TEX9: variants seen among roughly 807,000 people sequenced by gnomAD.
TEX9 encodes testis expressed 9.
In TEX9, 74 loss-of-function variants were observed where a neutral mutation model predicts 59.6. That is an observed-to-expected ratio of 1.24 (90% CI 1.03 to 1.51). TEX9 has a LOEUF of 1.51. Ranked by LOEUF, TEX9 falls within the 40% of genes most tolerant of loss-of-function variation. The pLI, the probability that TEX9 is intolerant of heterozygous loss-of-function variation, is 0.00. For missense variants in TEX9, 522 were observed against 447.8 expected (o/e 1.17, Z -1.49); for synonymous variants, 186 against 152.2 (o/e 1.22, Z -1.64).
At chr15:56,301,054 A>T (rs1418484673) in intron 1 of TEX9, among the ~76,000 whole-genome samples, 1 of 152,222 alleles carries the variant, frequency 6.6e-6, no homozygotes, top group Non-Finnish European at 1.5e-5. Context: ...AGAATATGTG[A>T]CCTTTCGGAC....
At chr15:56,399,265 G>A (rs780505022) in intron 9 of TEX9, among the ~76,000 whole-genome samples, 5 of 152,216 alleles carry the variant, frequency 3.3e-5, no homozygotes, top group Middle Eastern at 3.2e-3. Context: ...CAAATACTGC[G>A]CTTTTCCCAA....
Position 56,365,657 on chromosome 15 carries a change from G to A in TEX9, c.106G>A (p.Glu36Lys), listed in dbSNP as rs768586540. 18 of 1,614,004 alleles carry A rather than the reference G, an allele frequency of 1.1e-5. No individual in the cohort carries two copies. The African/African-American group carries it at 2.3e-4, about 20-fold the overall frequency. Reference sequence around the variant, plus strand: ...ACCTGGACCCGACCTCCTCGCCTTGGAGGAAGAATATAAGTAAGAAATTCG... The same window carrying A: ...ACCTGGACCCGACCTCCTCGCCTTGAAGGAAGAATATAAGTAAGAAATTCG... Residue 36 changes from glutamate (E) to lysine (K), a missense_variant, in exon 2 of 13, where the codon GAG becomes AAG. Physicochemically the swap from Glu to Lys is moderately conservative, Grantham distance 56 (BLOSUM62 1). Coordinates refer to ENST00000352903, the Ensembl canonical transcript of TEX9.
At chr15:56,431,748 T>G (rs556575750) in intron 12 of TEX9, among the ~76,000 whole-genome samples, 1 of 152,148 alleles carries the variant, frequency 6.6e-6, no homozygotes, top group South Asian at 2.1e-4. Flanking sequence ...GGAAAGTGTC[T>G]TCATTACCAA....
exon 9 of TEX9, chr15:56,394,801 T>G (rs148168860): frequency 6.2e-7 from 1 of 1,612,918 alleles, no homozygotes; most frequent in Admixed American, 1.7e-5. Context: ...AAAAGTATGA[T>G]GGATTACAGC....
At chr15:56,273,767 C>G (rs1305366169) in intron 1 of TEX9, among the ~76,000 whole-genome samples, 3 of 152,150 alleles carry the variant, frequency 2.0e-5, no homozygotes, top group African/African-American at 7.2e-5. Flanking sequence ...TCTTTTCTAG[C>G]TTGCATAATT....
At chr15:56,367,884 G>C (rs565694021) in intron 2 of TEX9, among the ~76,000 whole-genome samples, 2 of 152,280 alleles carry the variant, frequency 1.3e-5, no homozygotes, top group South Asian at 4.1e-4. Context: ...TATACACACA[G>C]ATCTTCAGTC....
intron 1 of TEX9, among the ~76,000 whole-genome samples, chr15:56,284,539 AATT>A (rs1197198026): frequency 2.0e-5 from 3 of 151,994 alleles, no homozygotes; most frequent in Non-Finnish European, 4.4e-5. Flanking sequence ...TAAATAATAG[AATT>A]ATTATTATTG....
In TEX9 at chr15:56,255,298, A is replaced by G. The variant is rs116853109; in HGVS notation, c.-107+11020A>G. 3.7e-3 allele frequency among the ~76,000 whole-genome samples: 565 copies of G among 152,260 alleles called. 14 individuals are homozygous for G. The East Asian group carries it at 0.057, about 15-fold the overall frequency. ...TAGATGATTGCAACATAAAGATGGC[A>G]GGGACAAAGCATGATGGAGAGATAG... is the stretch of plus-strand genomic sequence containing the variant. On this transcript the variant is annotated intron_variant, in intron 1 of 5. Coordinates refer to the TEX9 transcript ENST00000560827.
downstream of TEX9, chr15:56,446,948 T>A: frequency 2.5e-6 from 4 of 1,597,146 alleles, no homozygotes; most frequent in Non-Finnish European, 3.4e-6. Flanking sequence ...TCAATGCTGT[T>A]TAAAAAAACA....
intron 8 of TEX9, 149 bp from the exon 9 acceptor site, chr15:56,394,512 T>A (rs1596173337): frequency 1.5e-6 from 1 of 683,908 alleles, no homozygotes; most frequent in Non-Finnish European, 2.4e-6. Context: ...AACATTTGAC[T>A]TCCATTTTTG....
intron 1 of TEX9, among the ~76,000 whole-genome samples, chr15:56,333,237 T>G (rs2046192347): frequency 6.6e-6 from 1 of 152,128 alleles, no homozygotes. Flanking sequence ...GGCCGTTATC[T>G]CTGATGAACA....
chr15:56,395,524 A>G (rs537269278), intron 9 of TEX9: 7 of 152,084 alleles, frequency 4.6e-5, no homozygotes, highest in East Asian at 3.9e-4. Context: ...TGGAAATCCT[A>G]TGTTGACCTT....
chr15:56,421,664 T>C (rs1414807684), intron 10 of TEX9: 2 of 151,794 alleles, frequency 1.3e-5, no homozygotes, highest in Non-Finnish European at 2.9e-5. Context: ...CCCCTTCCTG[T>C]GTCCATGTGT....
intron 12 of TEX9, among the ~76,000 whole-genome samples, chr15:56,444,853 G>C (rs2050880628): frequency 6.6e-6 from 1 of 151,980 alleles, no homozygotes; most frequent in Non-Finnish European, 1.5e-5. Flanking sequence ...CAATAAGTCA[G>C]ACCCTAAAGC....
intron 10 of TEX9, among the ~76,000 whole-genome samples, chr15:56,412,760 G>A (rs1459897783): frequency 6.6e-6 from 1 of 152,102 alleles, no homozygotes; most frequent in East Asian, 1.9e-4. Context: ...TGTATCTCAA[G>A]TCTTTTATTC....
intron 1 of TEX9, among the ~76,000 whole-genome samples, chr15:56,249,992 C>G (rs1372354208): frequency 6.6e-6 from 1 of 152,080 alleles, no homozygotes; most frequent in Non-Finnish European, 1.5e-5. Flanking sequence ...AGTCCATCTT[C>G]CATTTTCTAG....
Position 56,255,231 on chromosome 15 carries a change from G to A in TEX9, c.-107+10953G>A, listed in dbSNP as rs555038951. On this transcript the variant is annotated intron_variant, in intron 1 of 5. Coordinates refer to the TEX9 transcript ENST00000560827. ...ATAGATAATATGTAAATGAATGTGC[G>A]ATAAGACTTTACAAAAGCAGGGGGC... Among the ~76,000 whole-genome samples, 18 of 152,208 alleles carry A rather than the reference G, an allele frequency of 1.2e-4. No individual in the cohort carries two copies. In the South Asian group the frequency reaches 2.1e-3, roughly 18 times the overall value.
intron 12 of TEX9, chr15:56,430,128 T>C (rs2050537599): frequency 6.6e-6 from 1 of 152,190 alleles, no homozygotes; most frequent in Admixed American, 6.6e-5. Context: ...CTGAATAAAA[T>C]ATGAAATGGC....
chr15:56,302,320 TACACACACACACACACACACACAC>T (rs56766153), intron 1 of TEX9, among the ~76,000 whole-genome samples: 3 of 135,786 alleles, frequency 2.2e-5, no homozygotes, highest in East Asian at 2.2e-4. Flanking sequence ...AGACACTGTT[TACACACACACACACACACACACAC>T]ACACACACAC....
Sources: allele counts gnomAD v4.1 joint callset (sites outside exome capture counted in the v4.1 genomes callset), GRCh38; gene constraint gnomAD v4.1.1; transcripts MANE v1.5; gene names NCBI Gene and HGNC (gene_info 2026-07-23, HGNC 2026-07-21).